PCSK2: variants seen among roughly 807,000 people sequenced by gnomAD.
PCSK2 encodes the protein neuroendocrine convertase 2.
PCSK2 carries 14 observed loss-of-function variants against 69.7 expected under a neutral mutation model. The ratio of observed to expected loss-of-function variants is 0.20; its 90% CI spans 0.13 to 0.31. The LOEUF (loss-of-function observed/expected upper bound fraction) is 0.31, where lower values mean the gene tolerates loss of function less well. PCSK2 is among the 10% of genes least tolerant of loss of function. PCSK2 has a pLI of 1.00. For missense variants in PCSK2, 544 were observed against 842.5 expected, an observed-to-expected ratio of 0.65 and a Z score of 4.39; for synonymous variants, 307 against 320.7, an observed-to-expected ratio of 0.96 and a Z score of 0.46.
At chr20:17,422,658 A>C (rs571782898) in intron 6 of PCSK2, among the ~76,000 whole-genome samples, 41 of 152,212 alleles carry the variant, frequency 2.7e-4, no homozygotes, top group African/African-American at 9.9e-4. Flanking sequence ...GAAGATAAAG[A>C]AGAAGAAGAT....
intron 2 of PCSK2, among the ~76,000 whole-genome samples, chr20:17,309,092 G>T (rs530062446): frequency 7.2e-5 from 11 of 152,226 alleles, no homozygotes; most frequent in African/African-American, 2.2e-4. Context: ...GGCCATTTTC[G>T]CACAGTCCAC....
chr20:17,284,442 C>G (rs977878953), intron 2 of PCSK2, among the ~76,000 whole-genome samples: 2 of 152,178 alleles, frequency 1.3e-5, no homozygotes, highest in African/African-American at 2.4e-5. Context: ...GTTATCTGAT[C>G]CATTTTCTCT....
intron 1 of PCSK2, among the ~76,000 whole-genome samples, chr20:17,255,411 G>A (rs58299974): frequency 0.061 from 9,246 of 151,388 alleles, 347 homozygotes; most frequent in East Asian, 0.14. Context: ...GCGCAATCTC[G>A]GCTCACTGCA....
chr20:17,242,361 A>C (rs1226739189), intron 1 of PCSK2, among the ~76,000 whole-genome samples: 1 of 152,232 alleles, frequency 6.6e-6, no homozygotes, highest in African/African-American at 2.4e-5. Context: ...ACATTCATAC[A>C]TGAGTTCTTA....
intron 2 of PCSK2, among the ~76,000 whole-genome samples, chr20:17,349,341 C>T (rs1362085576): frequency 6.6e-6 from 1 of 152,256 alleles, no homozygotes; most frequent in Non-Finnish European, 1.5e-5. Flanking sequence ...ATTCCCCTTT[C>T]TGTGAGATGA....
chr20:17,359,309 G>A (rs1052027014), intron 3 of PCSK2, among the ~76,000 whole-genome samples: 1 of 152,116 alleles, frequency 6.6e-6, no homozygotes, highest in South Asian at 2.1e-4. Context: ...ATCCAATATG[G>A]GTAATTGAAT....
intron 2 of PCSK2, among the ~76,000 whole-genome samples, chr20:17,340,093 G>A (rs1990467370): frequency 6.6e-6 from 1 of 152,118 alleles, no homozygotes; most frequent in African/African-American, 2.4e-5. Context: ...AGAACAAATG[G>A]GACAAGAAAA....
chr20:17,359,946 A>T (rs1020785564), intron 3 of PCSK2, among the ~76,000 whole-genome samples: 1 of 152,102 alleles, frequency 6.6e-6, no homozygotes, highest in South Asian at 2.1e-4. Context: ...GGGCCTTAGG[A>T]TTTATTTTTC....
Position 17,322,380 on chromosome 20 carries a change from T to C in PCSK2, c.283-35947T>C, listed in dbSNP as rs149644770. On this transcript the variant is annotated intron_variant, in intron 2 of 11. Transcript: ENST00000262545. ...GTTTCATTGGTGTTATGGGATAAAC[T>C]GTGCCCCTCTAAAATTCATAGGTTG... Among the ~76,000 whole-genome samples, 704 of 152,278 alleles carry C rather than the reference T, an allele frequency of 4.6e-3. 5 individuals carry two copies. The highest frequency in any genetic ancestry group is 0.016 in the African/African-American group (665 of 41,550).
At chr20:17,456,192 G>A (rs1414492497) in intron 9 of PCSK2, among the ~76,000 whole-genome samples, 156 bp from the exon 10 acceptor site, 1 of 152,168 alleles carries the variant, frequency 6.6e-6, no homozygotes, top group African/African-American at 2.4e-5. Context: ...CATGAGCCAA[G>A]ATCATGCCAC....
At chr20:17,357,451 C>G (rs1214222527) in intron 2 of PCSK2, among the ~76,000 whole-genome samples, 1 of 152,206 alleles carries the variant, frequency 6.6e-6, no homozygotes, top group East Asian at 1.9e-4. Flanking sequence ...GCACTGTCAA[C>G]AAATTAAAGA....
At chr20:17,340,669 A>G (rs1990485667) in intron 2 of PCSK2, among the ~76,000 whole-genome samples, 1 of 152,134 alleles carries the variant, frequency 6.6e-6, no homozygotes. Flanking sequence ...TAATTAATAC[A>G]CCAAGGAATT....
chr20:17,245,388 CT>C (rs1986732035), intron 1 of PCSK2, among the ~76,000 whole-genome samples: 1 of 152,212 alleles, frequency 6.6e-6, no homozygotes, highest in Non-Finnish European at 1.5e-5. Flanking sequence ...ATGCAGCATT[CT>C]TGTGGGTTAT....
At chr20:17,278,398 T>A (rs1389917916) in intron 2 of PCSK2, among the ~76,000 whole-genome samples, 1 of 152,116 alleles carries the variant, frequency 6.6e-6, no homozygotes, top group South Asian at 2.1e-4. Context: ...CCATAAAAAA[T>A]GATGAGTTCA....
At chr20:17,257,413 C>T (rs752568359) in intron 1 of PCSK2, among the ~76,000 whole-genome samples, 2 of 152,080 alleles carry the variant, frequency 1.3e-5, no homozygotes, top group Non-Finnish European at 2.9e-5. Context: ...CCCAGCAATC[C>T]CATTACTGGG....
chr20:17,381,318 G>A (rs1489396254), intron 5 of PCSK2, among the ~76,000 whole-genome samples: 1 of 152,212 alleles, frequency 6.6e-6, no homozygotes, highest in Non-Finnish European at 1.5e-5. Context: ...TTTCCATGTG[G>A]CATGCACACA....
At chr20:17,363,575 G>A (rs949755236) in intron 4 of PCSK2, among the ~76,000 whole-genome samples, 1 of 152,154 alleles carries the variant, frequency 6.6e-6, no homozygotes, top group Non-Finnish European at 1.5e-5. Context: ...ATGGACAAGA[G>A]TCATCCAGCC....
intron 6 of PCSK2, among the ~76,000 whole-genome samples, chr20:17,428,324 T>C (rs2032289801): frequency 6.6e-6 from 1 of 152,320 alleles, no homozygotes; most frequent in East Asian, 1.9e-4. Context: ...GGTTTCATTC[T>C]TGTTCCAAAG....
At chr20:17,426,360 A>G (rs187385598) in intron 6 of PCSK2, among the ~76,000 whole-genome samples, 22 of 152,350 alleles carry the variant, frequency 1.4e-4, no homozygotes, top group African/African-American at 5.3e-4. Flanking sequence ...CTGTAAGTCA[A>G]TTAACCCTCT....
Sources: gnomAD v4.1 joint callset for allele counts (sites outside exome capture counted in the v4.1 genomes callset) on GRCh38, gnomAD v4.1.1 for gene constraint, MANE v1.5 for transcripts, NCBI Gene and HGNC (gene_info 2026-07-23, HGNC 2026-07-21) for gene names.